Variants in CPEB3 observed in about 807,000 individuals in gnomAD.
The protein encoded by CPEB3 is cytoplasmic polyadenylation element binding protein 3, also known as cytoplasmic polyadenylation element-binding protein 3.
In CPEB3, 20 loss-of-function variants were observed where a neutral mutation model predicts 67.2. The observed-to-expected ratio is 0.30, with a 90% CI of 0.21 to 0.43. The LOEUF is 0.43. Ranked by LOEUF, CPEB3 falls within the 20% of genes least tolerant of loss-of-function variation. CPEB3 has a pLI of 1.00. For missense variants in CPEB3, 746 were observed against 968.6 expected (o/e 0.77, Z 3.05); for synonymous variants, 376 against 393.1 (o/e 0.96, Z 0.51).
intron 7 of CPEB3, among the ~76,000 whole-genome samples, chr10:92,093,162 C>T (rs780180753): frequency 3.3e-5 from 5 of 152,166 alleles, no homozygotes; most frequent in Non-Finnish European, 7.3e-5. Flanking sequence ...CAACCAGTTA[C>T]GCAGGTAGCC....
intron 2 of CPEB3, among the ~76,000 whole-genome samples, chr10:92,235,263 G>C (rs562148441): frequency 6.6e-6 from 1 of 152,188 alleles, no homozygotes; most frequent in African/African-American, 2.4e-5. Flanking sequence ...CTGACTAATA[G>C]GGCGAAATTC....
intron 9 of CPEB3, among the ~76,000 whole-genome samples, chr10:92,057,662 GGCTTCAGGTCGGACACAGCA>G (rs1564744428): frequency 1.3e-5 from 2 of 152,342 alleles, no homozygotes; most frequent in African/African-American, 4.8e-5. Context: ...GTACTGTGCC[GGCTTCAGGTCGGACACAGCA>G]CAGTCAGAGT....
At chr10:92,274,581 C>T (rs546995416) in intron 1 of CPEB3, among the ~76,000 whole-genome samples, 5 of 152,156 alleles carry the variant, frequency 3.3e-5, no homozygotes, top group Non-Finnish European at 7.3e-5. Flanking sequence ...TGGCTCATGC[C>T]TGTAATTCCA....
rs1851747628 is a variant in CPEB3 at position 92,239,906 on chromosome 10, C to T, written c.445G>A (p.Gly149Ser). ...AGGCCGATCTGCGGGGAGAAAGTGC[C>T]TCCGAAGACTGGGTTGACATGGTGC... is the stretch of plus-strand genomic sequence containing the variant. ...FPHHVNPVFGGTFSPQIGLAQ... is the reference protein window; with the variant it reads ...FPHHVNPVFGSTFSPQIGLAQ... The change falls in exon 2 of 10, where the codon GGC becomes AGC. Residue 149 changes from glycine to serine, a missense_variant. By Grantham distance (56) the Gly-to-Ser change is moderately conservative (BLOSUM62 0). Coordinates refer to ENST00000265997, the MANE Select transcript of CPEB3 (RefSeq NM_014912.5). The surrounding 1 kb of genome is among the most constrained non-coding windows in gnomAD (Gnocchi z 6.0). 6.2e-7 allele frequency: 1 copy of T among 1,612,760 alleles called. No individual in the cohort carries two copies. The highest frequency in any genetic ancestry group is 8.5e-7 in the Non-Finnish European group (1 of 1,179,418).
chr10:92,131,717 C>A (rs1261662463), intron 6 of CPEB3, among the ~76,000 whole-genome samples: 3 of 152,274 alleles, frequency 2.0e-5, no homozygotes, highest in Non-Finnish European at 2.9e-5. Flanking sequence ...CCTCCCTTGT[C>A]ACCGGATGTC....
chr10:92,094,291 C>T (rs555581686), intron 7 of CPEB3, among the ~76,000 whole-genome samples: 1 of 152,152 alleles, frequency 6.6e-6, no homozygotes, highest in Admixed American at 6.5e-5. Context: ...ATTCGCTCCA[C>T]CTTTATTGCA....
At chr10:92,216,098 A>G (rs888285452) in intron 2 of CPEB3, among the ~76,000 whole-genome samples, 1 of 146,508 alleles carries the variant, frequency 6.8e-6, no homozygotes, top group Non-Finnish European at 1.5e-5. Context: ...TCTAAATCCT[A>G]TGAAACCTGA....
At chr10:92,071,391 T>G (rs1842747498) in intron 9 of CPEB3, among the ~76,000 whole-genome samples, 2 of 152,114 alleles carry the variant, frequency 1.3e-5, no homozygotes, top group Admixed American at 1.3e-4. Context: ...AAGTCATATG[T>G]TTTTGCTAGG....
intron 4 of CPEB3, among the ~76,000 whole-genome samples, chr10:92,176,364 G>A (rs1848220113): frequency 6.6e-6 from 1 of 152,214 alleles, no homozygotes; most frequent in South Asian, 2.1e-4. Flanking sequence ...CCATTTTACA[G>A]GTGAAGAAAT....
At chr10:92,193,034 G>T (rs1320250124) in intron 2 of CPEB3, among the ~76,000 whole-genome samples, 1 of 152,030 alleles carries the variant, frequency 6.6e-6, no homozygotes, top group East Asian at 1.9e-4. Flanking sequence ...CAACAGGGTG[G>T]AACCTCGCCT....
chr10:92,170,418 A>G (rs1171705438), intron 4 of CPEB3, among the ~76,000 whole-genome samples: 1 of 152,218 alleles, frequency 6.6e-6, no homozygotes, highest in Non-Finnish European at 1.5e-5. Context: ...CTCTGGAAAC[A>G]AACCTCGGTA....
At chr10:92,285,542 A>AT (rs1842490698) in intron 1 of CPEB3, among the ~76,000 whole-genome samples, 1 of 152,220 alleles carries the variant, frequency 6.6e-6, no homozygotes, top group African/African-American at 2.4e-5. Context: ...AAGTGCTGGG[A>AT]TTACAGGCAT....
At chr10:92,210,451 A>G (rs939762802) in intron 2 of CPEB3, among the ~76,000 whole-genome samples, 2 of 152,374 alleles carry the variant, frequency 1.3e-5, no homozygotes, top group Middle Eastern at 6.8e-3. Flanking sequence ...ATTCCATTCA[A>G]CTAAGTGGAA....
At position 92,153,788 on chromosome 10, in the gene CPEB3, A is replaced by AAAAAAC. The variant is rs572095407; in HGVS notation, c.1223-8709_1223-8704dup. Among the ~76,000 whole-genome samples, 19 of 152,336 alleles carry AAAAAAC rather than the reference A, an allele frequency of 1.2e-4. No homozygotes were observed. In the East Asian group the frequency reaches 3.7e-3, roughly 29 times the overall value. On this transcript the variant is annotated intron_variant, in intron 4 of 9. Transcript: ENST00000265997. ...GGAGTGAGACTCCATCTCAAAAAGC[A>AAAAAAC]AAAAACAAAAACAAAAATATTGGCA...
At chr10:92,155,026 T>C (rs1040571441) in intron 4 of CPEB3, among the ~76,000 whole-genome samples, 2 of 152,192 alleles carry the variant, frequency 1.3e-5, no homozygotes, top group East Asian at 1.9e-4. Context: ...CTAGCCAATA[T>C]GGTGAAACCC....
chr10:92,188,269 C>A (rs1394454479), intron 3 of CPEB3, among the ~76,000 whole-genome samples: 2 of 133,420 alleles, frequency 1.5e-5, no homozygotes, highest in Non-Finnish European at 3.1e-5. Context: ...CCTCCTTTCT[C>A]ATCTCTGAGG....
intron 6 of CPEB3, chr10:92,136,954 T>C (rs1846130448): frequency 5.5e-6 from 1 of 183,316 alleles, no homozygotes; most frequent in Non-Finnish European, 1.2e-5. Context: ...TTGACAGTTT[T>C]GATGATATGA....
intron 4 of CPEB3, among the ~76,000 whole-genome samples, chr10:92,156,301 T>C (rs1207258825): frequency 6.6e-6 from 1 of 151,964 alleles, no homozygotes; most frequent in Non-Finnish European, 1.5e-5. Flanking sequence ...AGCAAATAGA[T>C]TGGTCAGGGG....
chr10:92,110,625 T>C (rs540970315), intron 7 of CPEB3, among the ~76,000 whole-genome samples: 1 of 152,352 alleles, frequency 6.6e-6, no homozygotes, highest in East Asian at 1.9e-4. Flanking sequence ...TGTAAGCTCC[T>C]GACCCAGAAG....
Sources: allele counts gnomAD v4.1 joint callset (sites outside exome capture counted in the v4.1 genomes callset), GRCh38; gene constraint gnomAD v4.1.1; non-coding constraint Gnocchi (gnomAD v3.1); transcripts MANE v1.5; gene names NCBI Gene and HGNC (gene_info 2026-07-23, HGNC 2026-07-21).